RIMS4: variants seen among roughly 807,000 people sequenced by gnomAD.
RIMS4 encodes regulating synaptic membrane exocytosis 4.
RIMS4 carries 9 observed loss-of-function variants against 29.0 expected under a neutral mutation model. The ratio of observed to expected loss-of-function variants is 0.31; its 90% CI spans 0.19 to 0.54. RIMS4 has a LOEUF of 0.54. RIMS4 is among the 20% of genes least tolerant of loss of function. RIMS4 has a pLI of 0.94. For synonymous variants in RIMS4, 130 were observed against 152.9 expected (o/e 0.85, Z 1.10); for missense variants, 193 against 365.7 (o/e 0.53, Z 3.85).
intron 1 of RIMS4, among the ~76,000 whole-genome samples, chr20:44,807,764 C>G (rs2066305221): frequency 6.6e-6 from 1 of 152,134 alleles, no homozygotes; most frequent in Non-Finnish European, 1.5e-5. Context: ...ACAACGCTGC[C>G]TACTTCTGAC....
chr20:44,788,534 A>G (rs1358729204), intron 1 of RIMS4, among the ~76,000 whole-genome samples: 1 of 152,086 alleles, frequency 6.6e-6, no homozygotes, highest in Non-Finnish European at 1.5e-5. Context: ...GCAGTTTAGA[A>G]GGCCAAAGCA....
chr20:44,804,748 G>A (rs1383551129), intron 1 of RIMS4, among the ~76,000 whole-genome samples: 3 of 152,122 alleles, frequency 2.0e-5, no homozygotes, highest in African/African-American at 7.2e-5. Context: ...GGGAAACAAG[G>A]TAGATGGACC....
chr20:44,809,730 G>A (rs986255112), intron 1 of RIMS4, among the ~76,000 whole-genome samples: 3 of 152,152 alleles, frequency 2.0e-5, no homozygotes, highest in African/African-American at 7.2e-5. Flanking sequence ...TCCTCTGGAT[G>A]TGGCCAAGAC....
rs2066058520 is a variant in RIMS4, at chr20:44,756,096, C to G, written c.*38G>C. ...GGGTCCCAGGTCAGGGCTGGGTGGT[C>G]TCCAGGCCATCTTGGGGAGCCCCTC... On this transcript the variant is annotated 3_prime_UTR_variant, in exon 6 of 6. Coordinates refer to ENST00000372851, the MANE Select transcript of RIMS4 (RefSeq NM_182970.4). The surrounding 1 kb of genome is among the most constrained non-coding windows in gnomAD (Gnocchi z 5.9). 1.3e-6 allele frequency: 2 copies of G among 1,525,938 alleles called. No individual in the cohort carries two copies. The highest frequency in any genetic ancestry group is 1.7e-5 in the Admixed American group (1 of 57,284). The allele number at this position is 1,525,938 out of a possible 1,614,324, so 94.5% of individuals were successfully genotyped here.
intron 1 of RIMS4, among the ~76,000 whole-genome samples, 154 bp downstream of exon 1, chr20:44,810,021 G>C (rs2066316558): frequency 6.6e-6 from 1 of 151,394 alleles, no homozygotes; most frequent in Admixed American, 6.6e-5. Flanking sequence ...GCGCATCCTG[G>C]AGACCCTGGG....
In RIMS4 at chr20:44,810,162, G is replaced by A; in HGVS notation, c.97+13C>T. Reference sequence around the variant, plus strand: ...GACACCCCGGGGGTCTGGGGGGCGGGCCGCGCGCTTACCTGCGTCCTCGTC... The same window carrying A: ...GACACCCCGGGGGTCTGGGGGGCGGACCGCGCGCTTACCTGCGTCCTCGTC... On this transcript the variant is annotated intron_variant, in intron 1 of 5. Transcript: ENST00000372851. 6.4e-7 allele frequency: 1 copy of A among 1,562,376 alleles called. No homozygotes were observed. Among genetic ancestry groups the A allele is most frequent in the South Asian group, 1.1e-5 (1 of 87,614 alleles).
At chr20:44,774,601 T>C (rs551188804) in intron 1 of RIMS4, among the ~76,000 whole-genome samples, 19 of 152,326 alleles carry the variant, frequency 1.2e-4, no homozygotes, top group African/African-American at 4.6e-4. Context: ...GACTGCCTAT[T>C]GTGGGACCTT....
At chr20:44,781,094 A>G (rs966710068) in intron 1 of RIMS4, among the ~76,000 whole-genome samples, 5 of 152,166 alleles carry the variant, frequency 3.3e-5, no homozygotes, top group Admixed American at 6.5e-5. Context: ...ACAGTCTTTG[A>G]CCTTAAGAAA....
chr20:44,790,181 G>A lies in RIMS4; in HGVS notation c.98-18768C>T, dbSNP rs79387024. Among the ~76,000 whole-genome samples, 919 of 152,342 alleles carry A rather than the reference G, an allele frequency of 6.0e-3. 5 individuals carry two copies. The highest frequency in any genetic ancestry group is 0.02 in the African/African-American group (848 of 41,574). On this transcript the variant is annotated intron_variant, in intron 1 of 5. Coordinates refer to ENST00000372851, the MANE Select transcript of RIMS4 (RefSeq NM_182970.4). ...GGGGATCAGGATCCTGGCTGCTGAC[G>A]AAAGGCACATGCAGCGCAGGTTGAG...
intron 2 of RIMS4, among the ~76,000 whole-genome samples, chr20:44,768,940 C>A (rs2066125230): frequency 6.6e-6 from 1 of 152,204 alleles, no homozygotes; most frequent in Non-Finnish European, 1.5e-5. Flanking sequence ...GGTCACTGTG[C>A]TAAGTTCTTT....
At chr20:44,785,738 T>C (rs992769324) in intron 1 of RIMS4, among the ~76,000 whole-genome samples, 1 of 151,262 alleles carries the variant, frequency 6.6e-6, no homozygotes, top group African/African-American at 2.4e-5. Context: ...TTGGGGATGA[T>C]ACATAGGTTT....
At chr20:44,772,857 C>T (rs2066142881) in intron 1 of RIMS4, among the ~76,000 whole-genome samples, 1 of 152,152 alleles carries the variant, frequency 6.6e-6, no homozygotes, top group African/African-American at 2.4e-5. Context: ...CAGGGCAAGC[C>T]AGGACAGCTC....
intron 1 of RIMS4, among the ~76,000 whole-genome samples, chr20:44,794,481 C>T (rs117359854): frequency 0.013 from 1,957 of 152,302 alleles, 16 homozygotes; most frequent in Non-Finnish European, 0.021. Flanking sequence ...TAGACATTTA[C>T]CTCTGGAGAG....
chr20:44,753,061 T>C lies in RIMS4; in HGVS notation c.*3073A>G, dbSNP rs1320353877. 2.6e-5 allele frequency: 4 copies of C among 152,780 alleles called. No homozygotes were observed. Among genetic ancestry groups the C allele is most frequent in the Admixed American group, 2.0e-4 (3 of 15,294 alleles). 9.5% of individuals were successfully genotyped at this position (152,780 alleles called of 1,614,324 possible). A position where few individuals can be genotyped will look rare whatever the true frequency, so the allele number is the denominator to read the frequency against. ...GCAGACATGCACTGGAGCAACGGTC[T>C]CCTGTCGCCTGAAGAACAATGGAGC... On this transcript the variant is annotated 3_prime_UTR_variant, in exon 6 of 6. Transcript: ENST00000372851.
At chr20:44,800,912 T>C (rs756969192) in intron 1 of RIMS4, among the ~76,000 whole-genome samples, 3 of 152,236 alleles carry the variant, frequency 2.0e-5, no homozygotes, top group Non-Finnish European at 2.9e-5. Flanking sequence ...ACGCCAGCTG[T>C]GTGCTGCCCC....
intron 1 of RIMS4, among the ~76,000 whole-genome samples, chr20:44,780,764 A>G (rs1450823892): frequency 6.6e-6 from 1 of 152,168 alleles, no homozygotes; most frequent in Non-Finnish European, 1.5e-5. Context: ...GCTGCTCTAC[A>G]CTGGAGGGAG....
At chr20:44,805,858 G>A (rs1231783154) in intron 1 of RIMS4, among the ~76,000 whole-genome samples, 6 of 151,878 alleles carry the variant, frequency 4.0e-5, no homozygotes, top group African/African-American at 4.8e-5. Flanking sequence ...TCCCTGCCAG[G>A]ATCTGTCCGG....
At chr20:44,779,104 T>C (rs2066172712) in intron 1 of RIMS4, among the ~76,000 whole-genome samples, 1 of 152,244 alleles carries the variant, frequency 6.6e-6, no homozygotes, top group Non-Finnish European at 1.5e-5. Context: ...CCTAGTGTTC[T>C]CTACATTCTA....
chr20:44,803,137 C>G (rs900581451), intron 1 of RIMS4, among the ~76,000 whole-genome samples: 1 of 152,152 alleles, frequency 6.6e-6, no homozygotes. Context: ...TCCCCCACCC[C>G]AGAATATAAC....
Sources: allele counts gnomAD v4.1 joint callset (sites outside exome capture counted in the v4.1 genomes callset), GRCh38; gene constraint gnomAD v4.1.1; non-coding constraint Gnocchi (gnomAD v3.1); transcripts MANE v1.5; gene names NCBI Gene and HGNC (gene_info 2026-07-23, HGNC 2026-07-21).